Variants in TRAK2 observed in about 807,000 individuals in gnomAD.
TRAK2 encodes trafficking kinesin protein 2.
Under a neutral mutation model 104.6 loss-of-function variants are expected in TRAK2, and 81 were observed. The observed-to-expected ratio is 0.77, with a 90% CI of 0.65 to 0.93. The LOEUF is 0.93. TRAK2 is among the 40% of genes least tolerant of loss of function. The pLI, the probability that TRAK2 is intolerant of heterozygous loss-of-function variation, is 0.00. For missense variants in TRAK2, 1,002 were observed against 1,089.0 expected, an observed-to-expected ratio of 0.92 and a Z score of 1.12; for synonymous variants, 406 against 394.4, an observed-to-expected ratio of 1.03 and a Z score of -0.35.
intron 2 of TRAK2, among the ~76,000 whole-genome samples, chr2:201,408,297 CTTTT>C (rs1951614164): frequency 6.6e-6 from 1 of 151,958 alleles, no homozygotes; most frequent in South Asian, 2.1e-4. Flanking sequence ...TATAACTATG[CTTTT>C]TTTAATTTTT....
intron 1 of TRAK2, among the ~76,000 whole-genome samples, chr2:201,443,576 A>C (rs931986706): frequency 2.0e-5 from 3 of 152,242 alleles, no homozygotes; most frequent in South Asian, 2.1e-4. Flanking sequence ...AGTGACTCCC[A>C]ATCTGGCTCT....
chr2:201,437,165 T>G (rs1951885337), intron 1 of TRAK2, among the ~76,000 whole-genome samples: 1 of 152,148 alleles, frequency 6.6e-6, no homozygotes. Context: ...ACAGGTAAAT[T>G]TTTTGAGATA....
In TRAK2 at chr2:201,447,407, G is replaced by C. The variant is rs1469339937; in HGVS notation, c.-200+3943C>G. 1.3e-5 allele frequency among the ~76,000 whole-genome samples: 2 copies of C among 152,134 alleles called. No homozygotes were observed. Among genetic ancestry groups the C allele is most frequent in the African/African-American group, 4.8e-5 (2 of 41,436 alleles). The stretch of plus-strand genomic sequence containing the variant: ...TTCCTTTTGCCTAGAACACCTATTT[G>C]TTAGTTTGCTAGGGGTTCCATAAAA... On this transcript the variant is annotated intron_variant, in intron 1 of 15. Transcript: ENST00000332624. This position sits in a 1 kb window ranked among gnomAD's most constrained non-coding sequence, Gnocchi z 4.1.
intron 3 of TRAK2, among the ~76,000 whole-genome samples, chr2:201,403,670 G>A (rs553860962): frequency 6.6e-6 from 1 of 151,376 alleles, no homozygotes; most frequent in African/African-American, 2.4e-5. Flanking sequence ...TTATCTCTGG[G>A]TAAGGACTAT....
In TRAK2 at chr2:201,407,395, A is replaced by G. The variant is rs1432887231; in HGVS notation, c.286+8T>C. ...TGCACAAACTAAAAGAGTAAAAAAA[A>G]TACTCACTCATGTAACGGAAAGTCT... On this transcript the variant is annotated splice_region_variant and intron_variant, in intron 3 of 15. Transcript: ENST00000332624. The G allele has an allele frequency of 6.2e-7, 1 of 1,608,526 alleles. No individual in the cohort carries two copies. The highest frequency in any genetic ancestry group is 8.5e-7 in the Non-Finnish European group (1 of 1,177,390).
At chr2:201,449,532 TGGA>T (rs1202768043) in intron 1 of TRAK2, among the ~76,000 whole-genome samples, 1 of 144,792 alleles carries the variant, frequency 6.9e-6, no homozygotes, top group East Asian at 2.1e-4. Context: ...TTGCCCAGAC[TGGA>T]GTGCAATGGC....
chr2:201,411,377 A>T, intron 2 of TRAK2: 1 of 748,770 alleles, frequency 1.3e-6, no homozygotes, highest in South Asian at 1.3e-5. Context: ...GGTCTGCTCC[A>T]ATGTGGCTAA....
At position 201,436,788 on chromosome 2, in the gene TRAK2, T is replaced by C. The variant is rs140502012; in HGVS notation, c.-200+14562A>G. 2.3e-3 allele frequency among the ~76,000 whole-genome samples: 352 copies of C among 152,270 alleles called. 1 individual carries two copies. The highest frequency in any genetic ancestry group is 7.9e-3 in the African/African-American group (327 of 41,530). Reference sequence around the variant, plus strand: ...ATGATCAGTGTCAAAAGAAAAACTATAGGCAATATAGCTCTTCAAGTCAAC... The same window carrying C: ...ATGATCAGTGTCAAAAGAAAAACTACAGGCAATATAGCTCTTCAAGTCAAC... On this transcript the variant is annotated intron_variant, in intron 1 of 15. Transcript: ENST00000332624.
In TRAK2 at chr2:201,412,069, C is replaced by T. The variant is rs1171678922; in HGVS notation, c.92-4472G>A. The T allele has an allele frequency of 2.7e-6, 3 of 1,123,138 alleles. No individual in the cohort carries two copies. The East Asian group carries it at 7.0e-5, about 26-fold the overall frequency. 69.6% of individuals were successfully genotyped at this position (1,123,138 alleles called of 1,614,324 possible). On this transcript the variant is annotated intron_variant, in intron 2 of 15. Coordinates refer to ENST00000332624, the MANE Select transcript of TRAK2 (RefSeq NM_015049.3). ...ACAAAATCTGGATTGGCTCCTGCTGCTTAAACACAGGGCCAAGTTCAGGTG... is the reference window on the plus strand; with the variant it reads ...ACAAAATCTGGATTGGCTCCTGCTGTTTAAACACAGGGCCAAGTTCAGGTG...
intron 4 of TRAK2, 113 bp downstream of exon 4, chr2:201,400,905 C>A: frequency 1.4e-6 from 1 of 722,918 alleles, no homozygotes; most frequent in Non-Finnish European, 2.3e-6. Context: ...CAACCTTATA[C>A]AAAATAACCC....
chr2:201,381,672 A>T (rs756903744), intron 15 of TRAK2, among the ~76,000 whole-genome samples: 3 of 152,210 alleles, frequency 2.0e-5, no homozygotes, highest in Non-Finnish European at 4.4e-5. Flanking sequence ...ACAGTTTACC[A>T]ACTTTTAAAA....
At chr2:201,430,101 C>T (rs767906695) in intron 1 of TRAK2, among the ~76,000 whole-genome samples, 9 of 152,194 alleles carry the variant, frequency 5.9e-5, no homozygotes, top group South Asian at 2.1e-4. Context: ...CCACTCCAGA[C>T]GCTGTTTGCC....
chr2:201,390,839 C>G (rs1951441577), intron 10 of TRAK2, among the ~76,000 whole-genome samples: 1 of 148,944 alleles, frequency 6.7e-6, no homozygotes, highest in African/African-American at 2.4e-5. Flanking sequence ...AAAAAGCAAG[C>G]TTCCTCTTCC....
At position 201,379,345 on chromosome 2, in the gene TRAK2, C is replaced by A. The variant is rs1188575734; in HGVS notation, c.*1198G>T. The A allele has an allele frequency of 6.6e-6, 1 of 152,274 alleles. No individual in the cohort carries two copies. The highest frequency in any genetic ancestry group is 6.6e-5 in the Admixed American group (1 of 15,254). The allele number at this position is 152,274 out of a possible 1,614,324, so 9.4% of individuals were successfully genotyped here. ...CTTAGAGAAAAAGAAAAAGCTTTGA[C>A]TCCCCCATTAAAAAGTTTATTCTCT... On this transcript the variant is annotated 3_prime_UTR_variant, in exon 16 of 16. Transcript: ENST00000332624.
intron 1 of TRAK2, among the ~76,000 whole-genome samples, chr2:201,430,057 C>T (rs1326875780): frequency 6.6e-6 from 1 of 152,224 alleles, no homozygotes; most frequent in East Asian, 1.9e-4. Flanking sequence ...AGTCAGGAGC[C>T]TCAGCTGCAG....
intron 2 of TRAK2, chr2:201,411,878 G>T: frequency 1.0e-6 from 1 of 999,940 alleles, no homozygotes; most frequent in Non-Finnish European, 1.6e-6. Flanking sequence ...GTTTCATGAT[G>T]GGTAGTCTAT....
chr2:201,427,816 C>T (rs1393189786), intron 1 of TRAK2, among the ~76,000 whole-genome samples: 2 of 152,204 alleles, frequency 1.3e-5, no homozygotes, highest in African/African-American at 2.4e-5. Flanking sequence ...TATTTCTCCA[C>T]ATCCTCTCCA....
In TRAK2 at chr2:201,390,495, C is replaced by A. The variant is rs1951436808; in HGVS notation, c.1114-615G>T. On this transcript the variant is annotated intron_variant, in intron 10 of 15. Transcript: ENST00000332624. Reference sequence around the variant, plus strand: ...AGGAGAATGACGTGAACCCGGGAGGCAGAGCTTTCAGTGAGCTGAGATCGC... The same window carrying A: ...AGGAGAATGACGTGAACCCGGGAGGAAGAGCTTTCAGTGAGCTGAGATCGC... Among the ~76,000 whole-genome samples the A allele has an allele frequency of 3.6e-5, 5 of 140,676 alleles. No individual in the cohort carries two copies. In the South Asian group the frequency reaches 1.1e-3, roughly 31 times the overall value. The allele number at this position is 140,676 out of a possible 152,430, so 92.3% of individuals were successfully genotyped here.
intron 1 of TRAK2, among the ~76,000 whole-genome samples, chr2:201,443,936 C>T (rs1478537808): frequency 6.6e-6 from 1 of 152,164 alleles, no homozygotes; most frequent in Non-Finnish European, 1.5e-5. Context: ...CGCAGTGGCT[C>T]ACGCCTGTAA....
Sources: gnomAD v4.1 joint callset for allele counts (sites outside exome capture counted in the v4.1 genomes callset) on GRCh38, gnomAD v4.1.1 for gene constraint, Gnocchi (gnomAD v3.1) non-coding constraint, MANE v1.5 for transcripts, NCBI Gene and HGNC (gene_info 2026-07-23, HGNC 2026-07-21) for gene names.